Variants in DOCK2 observed in about 807,000 individuals in gnomAD.
DOCK2 encodes dedicator of cytokinesis protein 2.
A neutral mutation model predicts 248.9 loss-of-function variants in DOCK2; 87 were observed. That is an observed-to-expected ratio of 0.35 (90% CI 0.29 to 0.42). The LOEUF (loss-of-function observed/expected upper bound fraction) is 0.42. DOCK2 is among the 10% of genes least tolerant of loss of function. DOCK2 has a pLI of 1.00. For synonymous variants in DOCK2, 805 were observed against 821.6 expected (o/e 0.98, Z 0.35); for missense variants, 1,747 against 2,300.2 (o/e 0.76, Z 4.92).
intron 34 of DOCK2, among the ~76,000 whole-genome samples, chr5:170,030,096 A>C (rs1371449697): frequency 6.6e-6 from 1 of 152,246 alleles, no homozygotes; most frequent in Non-Finnish European, 1.5e-5. Flanking sequence ...AAACAAGAAA[A>C]TCAAAATATT....
At chr5:170,012,206 T>A (rs1365414064) in intron 32 of DOCK2, among the ~76,000 whole-genome samples, 2 of 152,126 alleles carry the variant, frequency 1.3e-5, no homozygotes, top group Non-Finnish European at 2.9e-5. Flanking sequence ...TTTCAAAGGG[T>A]GTGAAATGAC....
rs1244399046 is a variant in DOCK2, at chr5:169,725,018, T to C, written c.2267+6227T>C. Among the ~76,000 whole-genome samples the C allele has an allele frequency of 2.6e-5, 4 of 152,152 alleles. No homozygotes were observed. The South Asian group carries it at 6.2e-4, about 24-fold the overall frequency. On this transcript the variant is annotated intron_variant, in intron 22 of 51. Coordinates refer to ENST00000520908, the MANE Select transcript of DOCK2 (RefSeq NM_004946.3). Reference sequence around the variant, plus strand: ...AACTCAGAGGTGCTTGCCAGTGTGATTTGTTTTTATTGTTCATGTATGAAT... The same window carrying C: ...AACTCAGAGGTGCTTGCCAGTGTGACTTGTTTTTATTGTTCATGTATGAAT...
At chr5:170,027,831 T>G in intron 33 of DOCK2, 32 bp from the exon 34 acceptor site, 1 of 1,595,896 alleles carries the variant, frequency 6.3e-7, no homozygotes. Flanking sequence ...CCTTCTGATG[T>G]TATTGTTGAT....
At chr5:169,981,396 G>A (rs1777931548) in intron 27 of DOCK2, among the ~76,000 whole-genome samples, 1 of 152,122 alleles carries the variant, frequency 6.6e-6, no homozygotes, top group African/African-American at 2.4e-5. Flanking sequence ...TTTACAAATT[G>A]AAGGTTTGTG....
At chr5:169,981,238 G>A (rs1399010713) in intron 27 of DOCK2, among the ~76,000 whole-genome samples, 2 of 152,096 alleles carry the variant, frequency 1.3e-5, no homozygotes, top group South Asian at 2.1e-4. Flanking sequence ...AGCTACTTTC[G>A]GGAGTATAAA....
At chr5:169,646,207 C>A (rs1358580575) in intron 1 of DOCK2, among the ~76,000 whole-genome samples, 1 of 152,148 alleles carries the variant, frequency 6.6e-6, no homozygotes, top group Non-Finnish European at 1.5e-5. Flanking sequence ...GATCCTTATT[C>A]CATTGCTTCT....
intron 22 of DOCK2, among the ~76,000 whole-genome samples, chr5:169,740,107 G>C (rs1763233863): frequency 6.6e-6 from 1 of 152,212 alleles, no homozygotes; most frequent in Non-Finnish European, 1.5e-5. Context: ...CCTCTGAATA[G>C]AATGAAGGAT....
intron 1 of DOCK2, among the ~76,000 whole-genome samples, chr5:169,651,501 C>A (rs534652186): frequency 6.6e-6 from 1 of 152,300 alleles, no homozygotes; most frequent in African/African-American, 2.4e-5. Context: ...TCCTGCCCCA[C>A]CTCCACATAT....
chr5:169,754,032 G>C (rs111356823), intron 23 of DOCK2, among the ~76,000 whole-genome samples: 3,016 of 152,266 alleles, frequency 0.02, 42 homozygotes, highest in Middle Eastern at 0.048. Flanking sequence ...GCATAACTGT[G>C]TATCATTTCA....
chr5:169,788,791 G>T (rs1766144970), intron 25 of DOCK2, among the ~76,000 whole-genome samples: 1 of 152,180 alleles, frequency 6.6e-6, no homozygotes, highest in Non-Finnish European at 1.5e-5. Flanking sequence ...TACAATTGTA[G>T]ATTCATGTTG....
intron 27 of DOCK2, among the ~76,000 whole-genome samples, chr5:169,917,298 C>T (rs148416361): frequency 4.5e-4 from 69 of 152,300 alleles, no homozygotes; most frequent in African/African-American, 1.6e-3. Context: ...TCCCATGACA[C>T]CCAAGTGTCA....
At chr5:170,058,914 T>C (rs1035581487) in intron 44 of DOCK2, among the ~76,000 whole-genome samples, 24 of 152,202 alleles carry the variant, frequency 1.6e-4, no homozygotes, top group Admixed American at 1.4e-3. Context: ...TGGAAAAGTA[T>C]AACAATGATG....
intron 9 of DOCK2, chr5:169,695,437 G>A (rs1380662006): frequency 5.3e-6 from 1 of 189,554 alleles, no homozygotes; most frequent in African/African-American, 2.4e-5. Context: ...GTGACCGATG[G>A]TGTCATCCGA....
chr5:169,748,784 G>A (rs1238930474), intron 23 of DOCK2, among the ~76,000 whole-genome samples: 3 of 152,212 alleles, frequency 2.0e-5, no homozygotes, highest in Non-Finnish European at 4.4e-5. Context: ...AGATAGAGGA[G>A]GAAGAGGTAT....
At chr5:170,038,894 C>A (rs1030681088) in intron 36 of DOCK2, among the ~76,000 whole-genome samples, 1 of 152,118 alleles carries the variant, frequency 6.6e-6, no homozygotes, top group African/African-American at 2.4e-5. Context: ...TCTAAGGCAT[C>A]GAGGATGGGC....
chr5:169,674,237 C>G (rs1317036492), intron 5 of DOCK2, 60 bp from the exon 6 acceptor site: 1 of 1,586,976 alleles, frequency 6.3e-7, no homozygotes, highest in Middle Eastern at 2.1e-4. Context: ...GCACAGCCTG[C>G]CAAATAGATG....
chr5:169,895,542 G>A (rs1376069351), intron 27 of DOCK2, among the ~76,000 whole-genome samples: 1 of 151,874 alleles, frequency 6.6e-6, no homozygotes, highest in South Asian at 2.1e-4. Context: ...CTCTTCTTTT[G>A]GGGGTAGGAT....
chr5:170,001,336 C>A (rs1754824568), intron 30 of DOCK2, among the ~76,000 whole-genome samples: 1 of 152,166 alleles, frequency 6.6e-6, no homozygotes, highest in Admixed American at 6.5e-5. Context: ...AATCCTGGAT[C>A]TCTCTGCTAT....
At chr5:169,690,375 G>A (rs911210838) in intron 9 of DOCK2, among the ~76,000 whole-genome samples, 3 of 152,138 alleles carry the variant, frequency 2.0e-5, no homozygotes, top group African/African-American at 7.2e-5. Flanking sequence ...TTGGATCCAG[G>A]AGTGACCGAC....
Sources: allele counts gnomAD v4.1 joint callset (sites outside exome capture counted in the v4.1 genomes callset), GRCh38; gene constraint gnomAD v4.1.1; transcripts MANE v1.5; gene names NCBI Gene and HGNC (gene_info 2026-07-23, HGNC 2026-07-21).